CADM2: variants seen among roughly 807,000 people sequenced by gnomAD.
CADM2 encodes the protein immunoglobulin superfamily member 4D.
A neutral mutation model predicts 49.8 loss-of-function variants in CADM2; 12 were observed. That is an observed-to-expected ratio of 0.24 (90% CI 0.15 to 0.39). The LOEUF (loss-of-function observed/expected upper bound fraction) is 0.39, where lower values mean the gene tolerates loss of function less well. Among genes scored for constraint, CADM2 ranks in the 10% least tolerant of loss-of-function variants. The pLI is 1.00. For missense variants in CADM2, 378 were observed against 492.3 expected, an observed-to-expected ratio of 0.77 and a Z score of 2.20; for synonymous variants, 214 against 175.4, an observed-to-expected ratio of 1.22 and a Z score of -1.74.
At chr3:85,397,302 C>T (rs2055328786) in intron 1 of CADM2, among the ~76,000 whole-genome samples, 1 of 152,094 alleles carries the variant, frequency 6.6e-6, no homozygotes, top group South Asian at 2.1e-4. Context: ...CTGTGCATCA[C>T]TGTGGAACAG....
At chr3:85,805,862 C>T (rs181873169) in intron 3 of CADM2, among the ~76,000 whole-genome samples, 3 of 152,298 alleles carry the variant, frequency 2.0e-5, no homozygotes, top group African/African-American at 7.2e-5. Context: ...ATTATACCAT[C>T]TCCTGCAGGT....
intron 1 of CADM2, among the ~76,000 whole-genome samples, chr3:85,621,031 G>A (rs2063960479): frequency 6.6e-6 from 1 of 152,034 alleles, no homozygotes; most frequent in South Asian, 2.1e-4. Context: ...AGAAAATAAA[G>A]CTCAATAATT....
Position 85,290,604 on chromosome 3 carries a change from A to C in CADM2, c.61+330936A>C, listed in dbSNP as rs183674999. 9.7e-4 allele frequency among the ~76,000 whole-genome samples: 148 copies of C among 152,302 alleles called. No individual in the cohort carries two copies. In the East Asian group the frequency reaches 0.016, roughly 17 times the overall value. On this transcript the variant is annotated intron_variant, in intron 1 of 9. Transcript: ENST00000383699. ...CAGCTGGAGATCTGAGAAGGGGCAG[A>C]CTGCCTCCTCAAGTGGGTCCCTGAC...
intron 1 of CADM2, among the ~76,000 whole-genome samples, chr3:85,654,968 T>G (rs13076876): frequency 0.38 from 58,361 of 152,010 alleles, 12,309 homozygotes; most frequent in East Asian, 0.54. Context: ...AGCATTTTAT[T>G]GTTGAAAAAA....
intron 7 of CADM2, among the ~76,000 whole-genome samples, chr3:85,936,498 T>A (rs1721202399): frequency 6.6e-6 from 1 of 151,876 alleles, no homozygotes; most frequent in Admixed American, 6.6e-5. Flanking sequence ...AATTATGGAT[T>A]ATTTAAATTC....
At chr3:85,334,299 C>T (rs999547111) in intron 1 of CADM2, among the ~76,000 whole-genome samples, 2 of 151,604 alleles carry the variant, frequency 1.3e-5, no homozygotes, top group East Asian at 1.9e-4. Context: ...AAAGCAGCCT[C>T]ACATCATTAG....
At chr3:85,287,657 T>C (rs1180384605) in intron 1 of CADM2, among the ~76,000 whole-genome samples, 1 of 152,130 alleles carries the variant, frequency 6.6e-6, no homozygotes, top group African/African-American at 2.4e-5. Flanking sequence ...TGGATATTTG[T>C]CATTATTAAT....
intron 1 of CADM2, among the ~76,000 whole-genome samples, chr3:85,580,392 T>A (rs2062761285): frequency 6.6e-6 from 1 of 152,118 alleles, no homozygotes; most frequent in Non-Finnish European, 1.5e-5. Context: ...AAACTGTGGG[T>A]GGTAGTTTAA....
chr3:85,419,838 T>G (rs1451401285), intron 1 of CADM2, among the ~76,000 whole-genome samples: 4 of 152,218 alleles, frequency 2.6e-5, no homozygotes, highest in Admixed American at 6.5e-5. Context: ...CAAACTTTGG[T>G]GTGCTTCAGA....
At chr3:85,752,537 G>A (rs2068910413) in intron 2 of CADM2, among the ~76,000 whole-genome samples, 1 of 151,730 alleles carries the variant, frequency 6.6e-6, no homozygotes, top group South Asian at 2.1e-4. Flanking sequence ...TCCATCAGCA[G>A]GTCAGCATGT....
intron 1 of CADM2, among the ~76,000 whole-genome samples, chr3:85,719,353 T>TG (rs958546506): frequency 6.6e-6 from 1 of 152,112 alleles, no homozygotes. Context: ...TTGAACAACA[T>TG]GGGGGTTAGG....
intron 1 of CADM2, among the ~76,000 whole-genome samples, chr3:84,977,826 AGTGTCTAC>A (rs2031924550): frequency 6.6e-6 from 1 of 152,130 alleles, no homozygotes; most frequent in Admixed American, 6.6e-5. Flanking sequence ...TAACAAAAGC[AGTGTCTAC>A]GTTTAATTCC....
chr3:85,750,555 T>A (rs1409169959), intron 2 of CADM2, among the ~76,000 whole-genome samples: 1 of 152,166 alleles, frequency 6.6e-6, no homozygotes, highest in Admixed American at 6.6e-5. Flanking sequence ...CATTGTGTTC[T>A]TTAAATGTAT....
At chr3:85,194,713 A>G (rs377256696) in intron 1 of CADM2, among the ~76,000 whole-genome samples, 1 of 152,030 alleles carries the variant, frequency 6.6e-6, no homozygotes, top group African/African-American at 2.4e-5. Context: ...CTCATCCATT[A>G]GAACCACCAT....
chr3:85,682,266 G>A (rs533583235), intron 1 of CADM2, among the ~76,000 whole-genome samples: 1 of 152,052 alleles, frequency 6.6e-6, no homozygotes, highest in Non-Finnish European at 1.5e-5. Context: ...CACTAATTTG[G>A]TCAGTCTTGA....
At chr3:85,837,020 G>C (rs111699366) in intron 3 of CADM2, among the ~76,000 whole-genome samples, 15 of 151,662 alleles carry the variant, frequency 9.9e-5, no homozygotes, top group African/African-American at 3.6e-4. Context: ...GAAGATCTCA[G>C]TTTCCATACG....
chr3:85,556,417 G>T (rs1009079276), intron 1 of CADM2, among the ~76,000 whole-genome samples: 6 of 151,908 alleles, frequency 3.9e-5, no homozygotes, highest in African/African-American at 1.5e-4. Flanking sequence ...AACCTGTTTT[G>T]CTCAATAGTC....
chr3:85,441,914 G>A (rs761279612), intron 1 of CADM2, among the ~76,000 whole-genome samples: 26 of 152,002 alleles, frequency 1.7e-4, no homozygotes, highest in Non-Finnish European at 2.2e-4. Context: ...AAAGAAGAGA[G>A]GTGGAACTAT....
intron 2 of CADM2, among the ~76,000 whole-genome samples, chr3:85,762,169 C>G (rs2069422438): frequency 6.6e-6 from 1 of 151,968 alleles, no homozygotes; most frequent in Non-Finnish European, 1.5e-5. Flanking sequence ...ATCAGAAACC[C>G]CCTTACTTAA....
Sources: gnomAD v4.1 joint callset for allele counts (sites outside exome capture counted in the v4.1 genomes callset) on GRCh38, gnomAD v4.1.1 for gene constraint, MANE v1.5 for transcripts, NCBI Gene and HGNC (gene_info 2026-07-23, HGNC 2026-07-21) for gene names.